EDC3: variants seen among roughly 807,000 people sequenced by gnomAD.
EDC3 encodes the protein enhancer of mRNA decapping 3, also known as enhancer of mRNA-decapping protein 3.
Under a neutral mutation model 41.8 loss-of-function variants are expected in EDC3, and 20 were observed. The ratio of observed to expected loss-of-function variants is 0.48; its 90% CI spans 0.34 to 0.70. The LOEUF (loss-of-function observed/expected upper bound fraction) is 0.70. Ranked by LOEUF, EDC3 falls within the 30% of genes least tolerant of loss-of-function variation. The pLI is 0.01. For synonymous variants in EDC3, 206 were observed against 243.2 expected, an observed-to-expected ratio of 0.85 and a Z score of 1.42; for missense variants, 444 against 636.8, an observed-to-expected ratio of 0.70 and a Z score of 3.26.
intron 3 of EDC3, among the ~76,000 whole-genome samples, chr15:74,659,453 T>C (rs1411898915): frequency 6.9e-6 from 1 of 144,886 alleles, no homozygotes; most frequent in African/African-American, 2.7e-5. Flanking sequence ...AGAGCAAAAC[T>C]TCGACTCAAA....
intron 6 of EDC3, 97 bp from the exon 7 acceptor site, chr15:74,633,043 TC>T: frequency 8.0e-7 from 1 of 1,251,168 alleles, no homozygotes; most frequent in Non-Finnish European, 1.1e-6. Flanking sequence ...GTCTTTGTTT[TC>T]CAGACACCAC....
rs1216558729 is a variant in EDC3 at position 74,635,714 on chromosome 15, GGT to G, written c.975-90_975-89del. ...CAGACAATTGCCTGTAGCACCTATT[GGT>G]CTCAGATCTCTTACCCACTGCTCAC... On this transcript the variant is annotated intron_variant, in intron 5 of 6. Coordinates refer to ENST00000315127, the MANE Select transcript of EDC3 (RefSeq NM_025083.5). 459 of 1,241,072 alleles carry G rather than the reference GGT, an allele frequency of 3.7e-4. 2 individuals are homozygous for G. The highest frequency in any genetic ancestry group is 1.4e-3 in the Middle Eastern group (6 of 4,290). 76.9% of individuals were successfully genotyped at this position (1,241,072 alleles called of 1,614,324 possible).
At chr15:74,688,013 C>T (rs774871503) in intron 1 of EDC3, among the ~76,000 whole-genome samples, 2 of 152,138 alleles carry the variant, frequency 1.3e-5, no homozygotes, top group Non-Finnish European at 2.9e-5. Context: ...TGTGGATACT[C>T]GTTTATAAGT....
chr15:74,666,638 A>C (rs2062679453), intron 3 of EDC3, among the ~76,000 whole-genome samples: 2 of 152,226 alleles, frequency 1.3e-5, no homozygotes, highest in Admixed American at 1.3e-4. Context: ...ATTCTGGAAA[A>C]ATGCAAAACT....
chr15:74,640,150 C>T, intron 5 of EDC3: 1 of 284,846 alleles, frequency 3.5e-6, no homozygotes, highest in Non-Finnish European at 6.6e-6. Flanking sequence ...ATGATGAGTG[C>T]CAAAGGCCAG....
chr15:74,638,154 C>T (rs2062298047), intron 5 of EDC3: 1 of 152,100 alleles, frequency 6.6e-6, no homozygotes, highest in Admixed American at 6.5e-5. Flanking sequence ...CTCCTGCCTT[C>T]TTCTTCATCC....
At chr15:74,668,049 G>A (rs1385027169) in intron 3 of EDC3, among the ~76,000 whole-genome samples, 1 of 152,134 alleles carries the variant, frequency 6.6e-6, no homozygotes, top group Non-Finnish European at 1.5e-5. Flanking sequence ...TGATGAAAAT[G>A]GTACTTTACC....
intron 3 of EDC3, among the ~76,000 whole-genome samples, chr15:74,668,393 G>A (rs893414422): frequency 2.8e-5 from 4 of 145,272 alleles, no homozygotes; most frequent in South Asian, 2.1e-4. Context: ...CGTTAATAAC[G>A]GGGAAAAATG....
chr15:74,655,685 T>C (rs1213365067), intron 4 of EDC3, 48 bp downstream of exon 4: 21 of 1,535,178 alleles, frequency 1.4e-5, no homozygotes, highest in East Asian at 2.3e-5. Context: ...TCAAGCATAA[T>C]AGAAAGGCAA....
chr15:74,637,075 C>T (rs1165529582), intron 5 of EDC3: 1 of 152,212 alleles, frequency 6.6e-6, no homozygotes, highest in Non-Finnish European at 1.5e-5. Flanking sequence ...TATCCAAAAA[C>T]ACAGGGCTAT....
At chr15:74,656,406 A>AAC (rs143925363) in intron 3 of EDC3, among the ~76,000 whole-genome samples, 8,936 of 145,286 alleles carry the variant, frequency 0.062, 332 homozygotes, top group African/African-American at 0.11. Flanking sequence ...TCTGTCTCAA[A>AAC]ACACACACAC....
chr15:74,660,661 A>G (rs1277262588), intron 3 of EDC3, among the ~76,000 whole-genome samples: 2 of 152,126 alleles, frequency 1.3e-5, no homozygotes, highest in Non-Finnish European at 2.9e-5. Flanking sequence ...ATATTAAATC[A>G]AAACATCCTA....
intron 4 of EDC3, among the ~76,000 whole-genome samples, chr15:74,649,607 T>A (rs186197719): frequency 6.6e-6 from 1 of 152,322 alleles, no homozygotes; most frequent in East Asian, 1.9e-4. Flanking sequence ...AAGTCAAATA[T>A]TTACTGAATA....
At position 74,634,874 on chromosome 15, in the gene EDC3, C is replaced by A. The variant is rs551772014; in HGVS notation, c.1192+535G>T. 1.3e-4 allele frequency among the ~76,000 whole-genome samples: 20 copies of A among 152,250 alleles called. 1 individual carries two copies. In the South Asian group the frequency reaches 3.3e-3, roughly 25 times the overall value. ...ATCTGGAACCTAAATTTGATTATAT[C>A]ATTTCTCTACTTATTCCTTCAATGA... On this transcript the variant is annotated intron_variant, in intron 6 of 6. Coordinates refer to ENST00000315127, the MANE Select transcript of EDC3 (RefSeq NM_025083.5).
intron 1 of EDC3, among the ~76,000 whole-genome samples, chr15:74,681,050 G>C (rs1177986459): frequency 6.6e-6 from 1 of 152,156 alleles, no homozygotes; most frequent in Non-Finnish European, 1.5e-5. Context: ...CCTCAAATTG[G>C]TATAAAGGAT....
chr15:74,693,130 A>T (rs2063027008), intron 1 of EDC3: 1 of 152,180 alleles, frequency 6.6e-6, no homozygotes, highest in Non-Finnish European at 1.5e-5. Flanking sequence ...ATCTAAACCT[A>T]ATATTCCAGG....
chr15:74,635,177 A>T (rs1169235200), intron 6 of EDC3: 1 of 691,172 alleles, frequency 1.4e-6, no homozygotes, highest in African/African-American at 1.8e-5. Flanking sequence ...CTGTTCAACG[A>T]ATATTTGTGG....
In EDC3 at chr15:74,635,718, T is replaced by TA. The variant is rs1287282026; in HGVS notation, c.975-93_975-92insT. Reference sequence around the variant, plus strand: ...CAATTGCCTGTAGCACCTATTGGTCTCAGATCTCTTACCCACTGCTCACCA... The same window carrying TA: ...CAATTGCCTGTAGCACCTATTGGTCTACAGATCTCTTACCCACTGCTCACCA... On this transcript the variant is annotated intron_variant, in intron 5 of 6. Transcript: ENST00000315127. 3.8e-4 allele frequency: 451 copies of TA among 1,192,308 alleles called. 2 individuals are homozygous for TA. Among genetic ancestry groups the TA allele is most frequent in the Middle Eastern group, 1.5e-3 (6 of 4,076 alleles). The allele number at this position is 1,192,308 out of a possible 1,614,324, so 73.9% of individuals were successfully genotyped here. A position where few individuals can be genotyped will look rare whatever the true frequency, so the allele number is the denominator to read the frequency against.
intron 3 of EDC3, among the ~76,000 whole-genome samples, chr15:74,656,789 C>T (rs988610502): frequency 1.3e-5 from 2 of 152,190 alleles, no homozygotes; most frequent in African/African-American, 4.8e-5. Context: ...CCACCCTATC[C>T]TGTGCCTATA....
Sources: allele counts gnomAD v4.1 joint callset (sites outside exome capture counted in the v4.1 genomes callset), GRCh38; gene constraint gnomAD v4.1.1; transcripts MANE v1.5; gene names NCBI Gene and HGNC (gene_info 2026-07-23, HGNC 2026-07-21).